The following IDO2 variants were observed in gnomAD, a reference collection of about 807,000 sequenced individuals.
IDO2 encodes the protein indoleamine 2,3-dioxygenase 2, also known as indoleamine 2,3-dioxygenase-like 1 protein.
In IDO2, 46 loss-of-function variants were observed where a neutral mutation model predicts 45.1. The ratio of observed to expected loss-of-function variants is 1.02; its 90% CI spans 0.80 to 1.30. The LOEUF (loss-of-function observed/expected upper bound fraction) is 1.30. Ranked by LOEUF, IDO2 falls within the 50% of genes most tolerant of loss-of-function variation. IDO2 has a pLI of 0.00. For synonymous variants in IDO2, 218 were observed against 184.9 expected, an observed-to-expected ratio of 1.18 and a Z score of -1.45; for missense variants, 544 against 491.8, an observed-to-expected ratio of 1.11 and a Z score of -1.00.
intron 6 of IDO2, chr8:39,985,863 G>C: frequency 1.9e-5 from 4 of 209,710 alleles, no homozygotes; most frequent in Non-Finnish European, 3.8e-5. Flanking sequence ...CTGAGTCTTA[G>C]TCTGTTGCCC....
intron 3 of IDO2, 137 bp downstream of exon 3, chr8:39,963,840 C>A (rs1808037666): frequency 3.6e-6 from 2 of 561,528 alleles, no homozygotes; most frequent in Non-Finnish European, 6.3e-6. Context: ...GCTATATCTT[C>A]CTTCCTGAAA....
intron 1 of IDO2, among the ~76,000 whole-genome samples, chr8:39,938,547 A>G (rs1001769707): frequency 2.0e-5 from 3 of 146,918 alleles, no homozygotes; most frequent in African/African-American, 7.3e-5. Flanking sequence ...CTTTTTATAT[A>G]TAACACCAAA....
chr8:40,002,378 TC>T (rs926705227), intron 8 of IDO2, among the ~76,000 whole-genome samples: 1 of 152,164 alleles, frequency 6.6e-6, no homozygotes, highest in Non-Finnish European at 1.5e-5. Flanking sequence ...CTTGTGGTAT[TC>T]CTCATTTTCA....
chr8:39,949,098 G>T, intron 1 of IDO2, 51 bp from the exon 2 acceptor site: 3 of 1,553,432 alleles, frequency 1.9e-6, no homozygotes, highest in Non-Finnish European at 2.6e-6. Context: ...TGGAACCTGG[G>T]TGTTTAATTT....
chr8:39,936,429 C>T (rs764848320), intron 1 of IDO2, among the ~76,000 whole-genome samples: 1 of 152,100 alleles, frequency 6.6e-6, no homozygotes, highest in South Asian at 2.1e-4. Flanking sequence ...AAACCCACCC[C>T]CAAAAGTCAA....
At chr8:39,995,124 A>C (rs1563438059) in intron 8 of IDO2, 3 of 150,952 alleles carry the variant, frequency 2.0e-5, no homozygotes, top group Admixed American at 6.7e-5. Flanking sequence ...CCATCAGCCT[A>C]TAAAATTATT....
At chr8:39,963,159 AT>A (rs1206402650) in intron 2 of IDO2, among the ~76,000 whole-genome samples, 1 of 152,190 alleles carries the variant, frequency 6.6e-6, no homozygotes, top group East Asian at 1.9e-4. Context: ...AAGCACCTAC[AT>A]CTGTTTATCT....
exon 11 of IDO2, chr8:40,015,651 G>A (rs1381299142): frequency 1.4e-6 from 2 of 1,391,226 alleles, no homozygotes; most frequent in East Asian, 2.3e-5. Context: ...AGGGCAGGTG[G>A]GCCTGGAGAA....
chr8:39,977,300 C>T (rs10504014), intron 3 of IDO2, among the ~76,000 whole-genome samples: 96,328 of 152,108 alleles, frequency 0.63, 30,892 homozygotes, highest in Middle Eastern at 0.73. Flanking sequence ...AAACAATGAA[C>T]TACCTGGTTT....
intron 3 of IDO2, among the ~76,000 whole-genome samples, chr8:39,976,278 A>G (rs1190213781): frequency 1.3e-5 from 2 of 152,174 alleles, no homozygotes; most frequent in Non-Finnish European, 2.9e-5. Flanking sequence ...TGCCTGGCCA[A>G]TAATATATTG....
chr8:39,997,098 T>C (rs1254761600), intron 8 of IDO2, among the ~76,000 whole-genome samples: 2 of 152,222 alleles, frequency 1.3e-5, no homozygotes, highest in Non-Finnish European at 2.9e-5. Flanking sequence ...TAAACTATTA[T>C]GCAAGATATA....
chr8:39,997,666 A>T (rs1563439088), intron 8 of IDO2, among the ~76,000 whole-genome samples: 1 of 152,190 alleles, frequency 6.6e-6, no homozygotes, highest in Non-Finnish European at 1.5e-5. Context: ...CTCAATAAGT[A>T]AATAAATAAA....
At position 40,004,529 on chromosome 8, in the gene IDO2, A is replaced by AGAT. The variant is rs777875924; in HGVS notation, c.668-797_668-795dup. Among the ~76,000 whole-genome samples the AGAT allele has an allele frequency of 9.3e-3, 1,310 of 141,620 alleles. 14 individuals carry two copies. The highest frequency in any genetic ancestry group is 0.015 in the Admixed American group (220 of 14,314). The allele number at this position is 141,620 out of a possible 152,430, so 92.9% of individuals were successfully genotyped here. ...TAGACAGATTAGACAGACAGATGAT[A>AGAT]GATAGATAGATAGATAGATAGATAG... On this transcript the variant is annotated intron_variant, in intron 8 of 10. Coordinates refer to ENST00000502986, the Ensembl canonical transcript of IDO2.
intron 9 of IDO2, among the ~76,000 whole-genome samples, chr8:40,010,757 A>G (rs1802299001): frequency 6.6e-6 from 1 of 152,186 alleles, no homozygotes; most frequent in Non-Finnish European, 1.5e-5. Flanking sequence ...TATAGGAGGA[A>G]CAGGTTTAGC....
chr8:39,997,188 C>A (rs980018526), intron 8 of IDO2, among the ~76,000 whole-genome samples: 1 of 152,076 alleles, frequency 6.6e-6, no homozygotes, highest in African/African-American at 2.4e-5. Flanking sequence ...ATTAAAAGGG[C>A]AGACTTTATG....
In IDO2 at chr8:39,945,652, G is replaced by T. The variant is rs193123932; in HGVS notation, c.-17-3497G>T. ...TACAAGGGTATAACGAGGAGTGTCT[G>T]ACATTCCATCTAGTAATGAACTAGA... On this transcript the variant is annotated intron_variant, in intron 1 of 10. Transcript: ENST00000502986. 3.4e-3 allele frequency among the ~76,000 whole-genome samples: 518 copies of T among 152,320 alleles called. 4 individuals are homozygous for T. Among genetic ancestry groups the T allele is most frequent in the Non-Finnish European group, 6.4e-3 (433 of 68,022 alleles).
chr8:39,993,432 C>T (rs1241639594), intron 8 of IDO2, among the ~76,000 whole-genome samples: 1 of 152,072 alleles, frequency 6.6e-6, no homozygotes, highest in African/African-American at 2.4e-5. Flanking sequence ...TTTCTTTTAG[C>T]AGTAATGAGG....
intron 9 of IDO2, among the ~76,000 whole-genome samples, chr8:40,012,727 G>A (rs754803483): frequency 6.6e-5 from 10 of 152,222 alleles, no homozygotes; most frequent in Non-Finnish European, 1.3e-4. Context: ...GAAGACAAAG[G>A]AGAGGAAAGG....
chr8:39,984,337 TG>T (rs1808393583), intron 5 of IDO2, among the ~76,000 whole-genome samples: 1 of 152,124 alleles, frequency 6.6e-6, no homozygotes, highest in African/African-American at 2.4e-5. Context: ...TAGCCAGGTG[TG>T]GCAGTGGGTG....
Sources: allele counts gnomAD v4.1 joint callset (sites outside exome capture counted in the v4.1 genomes callset), GRCh38; gene constraint gnomAD v4.1.1; transcripts MANE v1.5; gene names NCBI Gene and HGNC (gene_info 2026-07-23, HGNC 2026-07-21).